The following SPAG17 variants were observed in gnomAD, a reference collection of about 807,000 sequenced individuals.
SPAG17 encodes sperm-associated antigen 17.
SPAG17 carries 169 observed loss-of-function variants against 273.6 expected under a neutral mutation model. The observed-to-expected ratio is 0.62, with a 90% confidence interval of 0.55 to 0.70. The LOEUF is 0.70. Ranked by LOEUF, SPAG17 falls within the 30% of genes least tolerant of loss-of-function variation. The pLI is 0.00. For missense variants in SPAG17, 2,557 were observed against 2,627.8 expected (o/e 0.97, Z 0.59); for synonymous variants, 825 against 873.2 (o/e 0.94, Z 0.97).
Position 117,994,397 on chromosome 1 carries a change from A to C in SPAG17, c.5178+9T>G. 6.2e-7 allele frequency: 1 copy of C among 1,609,688 alleles called. No individual in the cohort carries two copies. The highest frequency in any genetic ancestry group is 8.5e-7 in the Non-Finnish European group (1 of 1,177,916). On this transcript the variant is annotated intron_variant, in intron 35 of 48. Coordinates refer to ENST00000336338, the MANE Select transcript of SPAG17 (RefSeq NM_206996.4). The stretch of plus-strand genomic sequence containing the variant: ...CTAATAAAATGACTTTTTAGAAGAA[A>C]TTATATACCTCAACTGAGGGAAATG...
intron 20 of SPAG17, among the ~76,000 whole-genome samples, chr1:118,045,642 C>A (rs1031592475): frequency 6.6e-6 from 1 of 152,178 alleles, no homozygotes; most frequent in Non-Finnish European, 1.5e-5. Context: ...AGTTATCGAA[C>A]CCAAGGAGGT....
chr1:118,128,516 T>C (rs1657870863), intron 3 of SPAG17, among the ~76,000 whole-genome samples: 1 of 152,204 alleles, frequency 6.6e-6, no homozygotes, highest in Admixed American at 6.5e-5. Flanking sequence ...CCCTGCTTCG[T>C]AGAAATGACT....
intron 48 of SPAG17, chr1:117,963,366 CT>C (rs1202876471): frequency 2.0e-3 from 287 of 141,292 alleles, no homozygotes; most frequent in South Asian, 2.7e-3. Flanking sequence ...CAAATATTTT[CT>C]TTTTTTTTTT....
chr1:118,026,069 T>C (rs1462045022), intron 26 of SPAG17, among the ~76,000 whole-genome samples: 1 of 152,176 alleles, frequency 6.6e-6, no homozygotes, highest in Non-Finnish European at 1.5e-5. Context: ...TTGACTAAAC[T>C]TTCCACCCTG....
At chr1:118,094,953 G>T (rs1324929241) in intron 7 of SPAG17, among the ~76,000 whole-genome samples, 1 of 152,118 alleles carries the variant, frequency 6.6e-6, no homozygotes, top group Non-Finnish European at 1.5e-5. Context: ...AGACCTAATT[G>T]GCTCTGTAGA....
At chr1:118,077,670 A>C (rs541835393) in intron 15 of SPAG17, among the ~76,000 whole-genome samples, 1 of 152,172 alleles carries the variant, frequency 6.6e-6, no homozygotes, top group African/African-American at 2.4e-5. Context: ...CTATCGCCAT[A>C]AGAACTCAGG....
chr1:118,132,131 G>A (rs562366959), intron 3 of SPAG17, among the ~76,000 whole-genome samples: 1 of 152,174 alleles, frequency 6.6e-6, no homozygotes, highest in Non-Finnish European at 1.5e-5. Context: ...GGCCCCAGAG[G>A]GTGCCTTCTC....
chr1:118,053,099 C>G (rs184334777), intron 20 of SPAG17, among the ~76,000 whole-genome samples: 1 of 151,926 alleles, frequency 6.6e-6, no homozygotes, highest in Non-Finnish European at 1.5e-5. Context: ...AATGCAAATG[C>G]AACTTGTGTT....
At chr1:118,016,243 C>T in intron 28 of SPAG17, 61 bp from the exon 29 acceptor site, 1 of 1,318,278 alleles carries the variant, frequency 7.6e-7, no homozygotes, top group Non-Finnish European at 1.1e-6. Context: ...TTATATACAT[C>T]ATTCACTATG....
chr1:117,954,502 C>G (rs1343943817), intron 48 of SPAG17: 1 of 1,360,970 alleles, frequency 7.3e-7, no homozygotes, highest in African/African-American at 1.5e-5. Context: ...TTATAAAATA[C>G]AGTTACCACT....
At chr1:118,007,468 C>T (rs1400748356) in intron 31 of SPAG17, among the ~76,000 whole-genome samples, 1 of 152,200 alleles carries the variant, frequency 6.6e-6, no homozygotes. Flanking sequence ...GAACTGCATG[C>T]TGACACTGGA....
intron 20 of SPAG17, among the ~76,000 whole-genome samples, chr1:118,050,299 T>C (rs756594870): frequency 3.3e-5 from 5 of 152,168 alleles, no homozygotes; most frequent in Non-Finnish European, 7.4e-5. Context: ...TTCTTCCAAT[T>C]GTACTTTATT....
chr1:118,039,944 C>T (rs1401708423), intron 22 of SPAG17, among the ~76,000 whole-genome samples: 1 of 152,094 alleles, frequency 6.6e-6, no homozygotes, highest in Non-Finnish European at 1.5e-5. Context: ...AGTCACATTT[C>T]AAACTCAATT....
intron 31 of SPAG17, among the ~76,000 whole-genome samples, chr1:118,007,582 C>T (rs1325744865): frequency 2.0e-5 from 3 of 152,152 alleles, no homozygotes; most frequent in South Asian, 2.1e-4. Flanking sequence ...GAACTGCCCT[C>T]CAGGGACCAC....
intron 30 of SPAG17, among the ~76,000 whole-genome samples, chr1:118,010,996 A>G (rs1219588522): frequency 6.6e-6 from 1 of 152,208 alleles, no homozygotes; most frequent in Non-Finnish European, 1.5e-5. Context: ...AACATTAGAG[A>G]AATGCAAATC....
Position 118,169,195 on chromosome 1 carries a change from C to T in SPAG17, c.87+15876G>A, listed in dbSNP as rs536799286. Among the ~76,000 whole-genome samples the T allele has an allele frequency of 9.3e-4, 142 of 152,294 alleles. 1 individual carries two copies. The highest frequency in any genetic ancestry group is 3.2e-3 in the African/African-American group (133 of 41,560). The stretch of plus-strand genomic sequence containing the variant: ...TATAACATCTAGGTGGATATTTTGA[C>T]ATACTAATTCCCTTCAGTTCCAAAC... On this transcript the variant is annotated intron_variant, in intron 1 of 48. Transcript: ENST00000336338.
chr1:118,127,135 C>T (rs1167510293), intron 3 of SPAG17, among the ~76,000 whole-genome samples: 2 of 152,040 alleles, frequency 1.3e-5, no homozygotes, highest in African/African-American at 4.8e-5. Context: ...CCACTTTGTT[C>T]TTTTTGCTTA....
At chr1:118,138,775 C>A (rs1558039150) in intron 3 of SPAG17, among the ~76,000 whole-genome samples, 1 of 152,118 alleles carries the variant, frequency 6.6e-6, no homozygotes, top group Non-Finnish European at 1.5e-5. Flanking sequence ...GTTATTAGTT[C>A]TTAGTAAGTT....
chr1:118,125,276 C>T (rs1000241834), intron 3 of SPAG17, among the ~76,000 whole-genome samples: 10 of 151,004 alleles, frequency 6.6e-5, no homozygotes, highest in African/African-American at 1.7e-4. Flanking sequence ...TAAATATTTA[C>T]GGGATACAAA....
Sources: allele counts gnomAD v4.1 joint callset (sites outside exome capture counted in the v4.1 genomes callset), GRCh38; gene constraint gnomAD v4.1.1; transcripts MANE v1.5; gene names NCBI Gene and HGNC (gene_info 2026-07-23, HGNC 2026-07-21).